The following PCDHGB5 variants were observed in gnomAD, a reference collection of about 807,000 sequenced individuals.
The protein encoded by PCDHGB5 is protocadherin gamma subfamily B, 5, also known as protocadherin gamma-B5.
Under a neutral mutation model 62.9 loss-of-function variants are expected in PCDHGB5, and 48 were observed. The observed-to-expected ratio is 0.76, with a 90% CI of 0.61 to 0.97. The LOEUF (loss-of-function observed/expected upper bound fraction) is 0.97. Ranked by LOEUF, PCDHGB5 falls within the 50% of genes least tolerant of loss-of-function variation. The pLI is 0.00. For synonymous variants in PCDHGB5, 474 were observed against 511.2 expected, an observed-to-expected ratio of 0.93 and a Z score of 0.98; for missense variants, 1,118 against 1,198.6, an observed-to-expected ratio of 0.93 and a Z score of 0.99.
At position 141,485,293 on chromosome 5, in the gene PCDHGB5, G is replaced by A. The variant is rs1356836741; in HGVS notation, c.2398-9514G>A. On this transcript the variant is annotated intron_variant, in intron 1 of 3. Transcript: ENST00000617380. The surrounding 1 kb of genome is among the most constrained non-coding windows in gnomAD (Gnocchi z 5.7). ...GCTACCCGGTCCCAGAGGAGTCACA[G>A]GAAGGGACTTTTGTAGGGAATGTCG... 1 of 1,614,170 alleles carries A rather than the reference G, an allele frequency of 6.2e-7. No individual in the cohort carries two copies.
intron 1 of PCDHGB5, chr5:141,423,091 G>GCGTAC (rs2096708211): frequency 2.5e-6 from 4 of 1,613,908 alleles, no homozygotes; most frequent in African/African-American, 2.7e-5. Context: ...CGCGGTGGGG[G>GCGTAC]AGCACACGGG....
intron 1 of PCDHGB5, among the ~76,000 whole-genome samples, chr5:141,483,755 G>A (rs2099586573): frequency 6.6e-6 from 1 of 152,130 alleles, no homozygotes. Flanking sequence ...TGAGGATCGA[G>A]GCTTGGAAAA....
chr5:141,418,351 G>A, intron 1 of PCDHGB5: 1 of 1,614,026 alleles, frequency 6.2e-7, no homozygotes, highest in Non-Finnish European at 8.5e-7. Flanking sequence ...ATATTAGTAT[G>A]AATTCGCTGA....
In PCDHGB5 at chr5:141,489,661, C is replaced by T. The variant is rs756803543; in HGVS notation, c.2398-5146C>T. 36 of 1,614,146 alleles carry T rather than the reference C, an allele frequency of 2.2e-5. 1 individual carries two copies. Among genetic ancestry groups the T allele is most frequent in the South Asian group, 5.5e-5 (5 of 91,090 alleles). ...CTTTGCCACCCCTGAGCGAGAGATG[C>T]GCATCTCAGAATCAGCAGCATCTGG... On this transcript the variant is annotated intron_variant, in intron 1 of 3. Coordinates refer to ENST00000617380, the MANE Select transcript of PCDHGB5 (RefSeq NM_018925.3). The surrounding 1 kb of genome is among the most constrained non-coding windows in gnomAD (Gnocchi z 4.5).
chr5:141,458,633 A>C (rs548586597), intron 1 of PCDHGB5, among the ~76,000 whole-genome samples: 12 of 151,884 alleles, frequency 7.9e-5, no homozygotes, highest in Non-Finnish European at 1.5e-4. Flanking sequence ...GCAGTGGCAC[A>C]ATCCCAGCTC....
Position 141,491,205 on chromosome 5 carries a change from A to G in PCDHGB5, c.2398-3602A>G, listed in dbSNP as rs2233609. 2,395 of 1,613,578 alleles carry G rather than the reference A, an allele frequency of 1.5e-3. 36 individuals are homozygous for G. The African/African-American group carries it at 0.028, about 19-fold the overall frequency. On this transcript the variant is annotated intron_variant, in intron 1 of 3. Coordinates refer to ENST00000617380, the MANE Select transcript of PCDHGB5 (RefSeq NM_018925.3). This position sits in a 1 kb window ranked among gnomAD's most constrained non-coding sequence, Gnocchi z 6.9. The stretch of plus-strand genomic sequence containing the variant: ...TGGTGAGGGACAATGGTGACCCTTC[A>G]CTCTCCTCCACAGCCACAGTGCTGC...
intron 1 of PCDHGB5, chr5:141,430,515 G>A (rs1016446331): frequency 2.1e-5 from 7 of 340,180 alleles, no homozygotes; most frequent in Admixed American, 1.8e-4. Flanking sequence ...TCAAGATTGT[G>A]CAGTAATTGG....
chr5:141,419,393 G>T (rs1226844501), intron 1 of PCDHGB5: 2 of 1,613,620 alleles, frequency 1.2e-6, no homozygotes, highest in Non-Finnish European at 1.7e-6. Context: ...CGCGCAGAGC[G>T]GGGTGGTGTT....
At chr5:141,401,485 G>A (rs2094160307) in intron 1 of PCDHGB5, among the ~76,000 whole-genome samples, 2 of 152,152 alleles carry the variant, frequency 1.3e-5, no homozygotes, top group Admixed American at 6.5e-5. Context: ...AGGTTTTCTT[G>A]GATGCAAAAT....
At chr5:141,428,169 G>T (rs758370904) in intron 1 of PCDHGB5, 5 of 1,539,960 alleles carry the variant, frequency 3.2e-6, no homozygotes, top group South Asian at 2.2e-5. Context: ...GTTGCTGTGC[G>T]TGACGGAGGA....
At chr5:141,433,347 C>T (rs1207853986) in intron 1 of PCDHGB5, 3 of 626,596 alleles carry the variant, frequency 4.8e-6, no homozygotes, top group Non-Finnish European at 8.3e-6. Context: ...GTGCAAGCCA[C>T]CTACTGTCTG....
chr5:141,405,407 CTTTT>C (rs762612492), intron 1 of PCDHGB5: 1 of 1,581,924 alleles, frequency 6.3e-7, no homozygotes, highest in Non-Finnish European at 8.6e-7. Flanking sequence ...TCTTTCTTTT[CTTTT>C]TTTGTTTTTT....
chr5:141,491,567 C>T lies in PCDHGB5; in HGVS notation c.2398-3240C>T, dbSNP rs2099721325. On this transcript the variant is annotated intron_variant, in intron 1 of 3. Transcript: ENST00000617380. The surrounding 1 kb of genome is among the most constrained non-coding windows in gnomAD (Gnocchi z 6.9). ...GACTCGCAGAGCCACTGCTACAGGACGTGCTTTTCACCGGCCTCGGACGGC... is the reference window on the plus strand; with the variant it reads ...GACTCGCAGAGCCACTGCTACAGGATGTGCTTTTCACCGGCCTCGGACGGC... 1.9e-6 allele frequency: 3 copies of T among 1,614,004 alleles called. No individual in the cohort carries two copies. The highest frequency in any genetic ancestry group is 2.5e-6 in the Non-Finnish European group (3 of 1,180,034).
Position 141,430,964 on chromosome 5 carries a change from A to G in PCDHGB5, c.2397+30440A>G, listed in dbSNP as rs547574367. The G allele has an allele frequency of 7.3e-5, 117 of 1,612,860 alleles. No homozygotes were observed. The South Asian group carries it at 1.2e-3, about 17-fold the overall frequency. On this transcript the variant is annotated intron_variant, in intron 1 of 3. Coordinates refer to ENST00000617380, the MANE Select transcript of PCDHGB5 (RefSeq NM_018925.3). The stretch of plus-strand genomic sequence containing the variant: ...GGAGCGCGGAGTCCGCATCATCCCC[A>G]GAGGTAGGACGCAGCTTTTCGCCCT...
intron 1 of PCDHGB5, chr5:141,404,287 C>T: frequency 6.2e-7 from 1 of 1,613,976 alleles, no homozygotes; most frequent in Non-Finnish European, 8.5e-7. Context: ...TGACTGACAT[C>T]AATGATAATC....
In PCDHGB5 at chr5:141,500,452, G is replaced by A. The variant is rs554196222; in HGVS notation, c.2457-4941G>A. 2.6e-3 allele frequency among the ~76,000 whole-genome samples: 398 copies of A among 151,620 alleles called. 2 individuals carry two copies. The highest frequency in any genetic ancestry group is 0.021 in the South Asian group (99 of 4,798). On this transcript the variant is annotated intron_variant, in intron 2 of 3. Transcript: ENST00000617380. ...TCTCGATCTCCTGACCTCGTGATCC[G>A]CCCGCCTCGGCCTCCCAAAGTGCTG... is the stretch of plus-strand genomic sequence containing the variant.
rs756325508 is a variant in PCDHGB5 at position 141,399,037 on chromosome 5, G to A, written c.910G>A (p.Asp304Asn). The A allele has an allele frequency of 1.2e-6, 2 of 1,613,856 alleles. No individual in the cohort carries two copies. Among genetic ancestry groups the A allele is most frequent in the African/African-American group, 2.7e-5 (2 of 75,030 alleles). The change falls in exon 1 of 4, where the codon GAT (aspartate) becomes AAT (asparagine). Residue 304 changes from aspartate to asparagine, a missense_variant. This residue lies in a region of PCDHGB5 where 1,034 missense variants were observed against 1,029.1 expected (regional missense o/e 1.00). Transcript: ENST00000617380. Reference sequence around the variant, plus strand: ...AGAAATTACCACTCAAAAGAAACTGGATTTTGAAGAGACCAAGGAATATTC... The same window carrying A: ...AGAAATTACCACTCAAAAGAAACTGAATTTTGAAGAGACCAAGGAATATTC... ...SGEITTQKKL[D>N]FEETKEYSMV...
intron 1 of PCDHGB5, chr5:141,413,119 G>C: frequency 6.6e-7 from 1 of 1,522,222 alleles, no homozygotes; most frequent in Non-Finnish European, 8.8e-7. Flanking sequence ...AAAGGAACCG[G>C]TTGAAACACA....
At chr5:141,417,787 T>C in intron 1 of PCDHGB5, 1 of 1,477,124 alleles carries the variant, frequency 6.8e-7, no homozygotes, top group Non-Finnish European at 9.0e-7. Flanking sequence ...CTGGGCCGAA[T>C]GCTCTTTTAG....
Sources: gnomAD v4.1 joint callset for allele counts (sites outside exome capture counted in the v4.1 genomes callset) on GRCh38, gnomAD v4.1.1 for gene constraint, gnomAD v4.1.1 regional missense constraint, Gnocchi (gnomAD v3.1) non-coding constraint, MANE v1.5 for transcripts, NCBI Gene and HGNC (gene_info 2026-07-23, HGNC 2026-07-21) for gene names.